The following RBFOX1 variants were observed in gnomAD, a reference collection of about 807,000 sequenced individuals.
The protein encoded by RBFOX1 is RNA binding protein fox-1 homolog 1.
A neutral mutation model predicts 57.7 loss-of-function variants in RBFOX1; 8 were observed. The observed-to-expected ratio is 0.14, with a 90% CI of 0.08 to 0.25. The LOEUF (loss-of-function observed/expected upper bound fraction) is 0.25, where lower values mean the gene tolerates loss of function less well. RBFOX1 is among the 10% of genes least tolerant of loss of function. The pLI, the probability that RBFOX1 is intolerant of heterozygous loss-of-function variation, is 1.00. For missense variants in RBFOX1, 611 were observed against 548.5 expected, an observed-to-expected ratio of 1.11 and a Z score of -1.14; for synonymous variants, 326 against 222.4, an observed-to-expected ratio of 1.47 and a Z score of -4.15.
intron 4 of RBFOX1, among the ~76,000 whole-genome samples, chr16:7,506,184 C>CAAAAAAAAAAA (rs552568132): frequency 1.2e-4 from 6 of 49,936 alleles, no homozygotes; most frequent in Non-Finnish European, 1.7e-4. Context: ...GACTCTGTCT[C>CAAAAAAAAAAA]AAAAAAAAAA....
chr16:5,290,898 C>T (rs1234637898), intron 1 of RBFOX1, among the ~76,000 whole-genome samples: 3 of 151,948 alleles, frequency 2.0e-5, no homozygotes, highest in Admixed American at 6.5e-5. Context: ...GGGGTTTCAC[C>T]ATGTTGACCA....
rs187848791 is a variant in RBFOX1 at position 5,372,000 on chromosome 16, T to A, written c.220-95216T>A. On this transcript the variant is annotated intron_variant, in intron 1 of 2. Transcript: ENST00000585867. ...GAAGTGGCAAAGAGAGCTGTCCTCA[T>A]AAGGGGGGAATCCTCTTTTAAGATG... Among the ~76,000 whole-genome samples the A allele has an allele frequency of 8.7e-4, 132 of 152,266 alleles. 3 individuals are homozygous for A. Among genetic ancestry groups the A allele is most frequent in the Admixed American group, 9.1e-4 (14 of 15,304 alleles).
At chr16:5,302,972 T>C (rs1055920030) in intron 1 of RBFOX1, among the ~76,000 whole-genome samples, 15 of 152,244 alleles carry the variant, frequency 9.9e-5, no homozygotes, top group Non-Finnish European at 8.8e-5. Flanking sequence ...ATCTTGGCTT[T>C]TATTTTCTAT....
At chr16:7,264,548 C>G (rs1193561730) in intron 4 of RBFOX1, among the ~76,000 whole-genome samples, 2 of 152,304 alleles carry the variant, frequency 1.3e-5, no homozygotes, top group African/African-American at 2.4e-5. Flanking sequence ...GTATTGAAAT[C>G]TGGTATTGTG....
chr16:5,620,358 T>C (rs1596481135), intron 3 of RBFOX1, among the ~76,000 whole-genome samples: 3 of 152,232 alleles, frequency 2.0e-5, no homozygotes, highest in African/African-American at 7.2e-5. Flanking sequence ...GTTGCCTCTA[T>C]ACAGCATAGC....
At chr16:6,600,421 C>T (rs1308145140) in intron 2 of RBFOX1, among the ~76,000 whole-genome samples, 1 of 152,142 alleles carries the variant, frequency 6.6e-6, no homozygotes, top group African/African-American at 2.4e-5. Context: ...AAAAGATGAC[C>T]TCTCATTCTG....
chr16:7,630,660 G>C lies in RBFOX1; in HGVS notation c.734G>C (p.Ser245Thr). The change falls in exon 11 of 16, where the codon AGT (serine) becomes ACT (threonine). Residue 245 changes from serine (S) to threonine (T), a missense_variant. Physicochemically the swap from Ser to Thr is moderately conservative, Grantham distance 58 (BLOSUM62 1). This residue lies in a region of RBFOX1 where 267 missense variants were observed against 229.1 expected (regional missense o/e 1.17). Coordinates refer to ENST00000550418, the MANE Select transcript of RBFOX1 (RefSeq NM_018723.4). ...GGATCTTCCATGTACAGTGCCCCCA[G>C]TTCACTTGTATATACTTCTGCAAGT... Reference protein sequence around the residue: ...QEGSSMYSAPSSLVYTSAMPG... With the variant: ...QEGSSMYSAPTSLVYTSAMPG... 6.2e-7 allele frequency: 1 copy of C among 1,614,130 alleles called. No individual in the cohort carries two copies. The highest frequency in any genetic ancestry group is 8.5e-7 in the Non-Finnish European group (1 of 1,180,026).
At chr16:7,119,630 T>C (rs1264869902) in intron 4 of RBFOX1, among the ~76,000 whole-genome samples, 2 of 149,240 alleles carry the variant, frequency 1.3e-5, no homozygotes, top group Admixed American at 6.6e-5. Context: ...TATATAAGGA[T>C]AAGAGGGCCA....
chr16:6,685,442 A>AT (rs71145275), intron 3 of RBFOX1, among the ~76,000 whole-genome samples: 28,828 of 125,382 alleles, frequency 0.23, 4,050 homozygotes, highest in East Asian at 0.49. Context: ...TACCCAGCTA[A>AT]TTTTTTTTTT....
At chr16:5,796,296 A>T (rs1218941656) in intron 3 of RBFOX1, among the ~76,000 whole-genome samples, 1 of 152,234 alleles carries the variant, frequency 6.6e-6, no homozygotes, top group African/African-American at 2.4e-5. Context: ...AGAAGGAAAC[A>T]TGTTATGGGA....
chr16:6,092,514 C>T (rs1271861427), intron 1 of RBFOX1: 1 of 152,198 alleles, frequency 6.6e-6, no homozygotes, highest in African/African-American at 2.4e-5. Context: ...TCGTGTTCAA[C>T]ATGTTATAAC....
intron 1 of RBFOX1, among the ~76,000 whole-genome samples, chr16:6,226,907 G>T (rs954361605): frequency 6.7e-6 from 1 of 148,700 alleles, no homozygotes; most frequent in African/African-American, 2.5e-5. Flanking sequence ...TCAGGAGTTT[G>T]AGACCAGCCC....
At chr16:5,502,833 C>T (rs1184978788) in intron 2 of RBFOX1, among the ~76,000 whole-genome samples, 1 of 152,272 alleles carries the variant, frequency 6.6e-6, no homozygotes, top group East Asian at 1.9e-4. Flanking sequence ...TCAGGGGACC[C>T]TGAGAAATAG....
intron 4 of RBFOX1, among the ~76,000 whole-genome samples, chr16:5,919,214 G>C (rs77909817): frequency 0.012 from 1,897 of 152,300 alleles, 40 homozygotes; most frequent in African/African-American, 0.043. Flanking sequence ...TATATCCCTG[G>C]ATGGTTCTAG....
chr16:6,539,682 C>T (rs13333803), intron 2 of RBFOX1, among the ~76,000 whole-genome samples: 2 of 152,018 alleles, frequency 1.3e-5, no homozygotes, highest in Admixed American at 1.3e-4. Context: ...CCTGTAGTCC[C>T]AGCTCCACGG....
chr16:6,601,451 C>T (rs191444417), intron 2 of RBFOX1, among the ~76,000 whole-genome samples: 104 of 152,198 alleles, frequency 6.8e-4, no homozygotes, highest in Non-Finnish European at 4.9e-4. Context: ...TTGTCATTTA[C>T]CTCTCCTCTT....
At chr16:5,698,921 C>A (rs765109495) in intron 3 of RBFOX1, among the ~76,000 whole-genome samples, 3 of 150,754 alleles carry the variant, frequency 2.0e-5, no homozygotes, top group Non-Finnish European at 4.4e-5. Flanking sequence ...CTATTTCTTT[C>A]TTTCCCATCC....
At chr16:7,198,372 T>G (rs947660927) in intron 4 of RBFOX1, among the ~76,000 whole-genome samples, 1 of 152,224 alleles carries the variant, frequency 6.6e-6, no homozygotes, top group African/African-American at 2.4e-5. Flanking sequence ...GTGGTAGTTG[T>G]GCAACATTGT....
chr16:5,423,634 C>T (rs939092624), intron 1 of RBFOX1, among the ~76,000 whole-genome samples: 1 of 152,130 alleles, frequency 6.6e-6, no homozygotes, highest in Admixed American at 6.5e-5. Context: ...GCCCATCCTG[C>T]CTGTGCTGCT....
Sources: gnomAD v4.1 joint callset for allele counts (sites outside exome capture counted in the v4.1 genomes callset) on GRCh38, gnomAD v4.1.1 for gene constraint, gnomAD v4.1.1 regional missense constraint, MANE v1.5 for transcripts, NCBI Gene and HGNC (gene_info 2026-07-23, HGNC 2026-07-21) for gene names.